FOXP1: variants seen among roughly 807,000 people sequenced by gnomAD.
FOXP1 encodes forkhead box P1, also known as forkhead box protein P1.
In FOXP1, 15 loss-of-function variants were observed where a neutral mutation model predicts 98.2. That is an observed-to-expected ratio of 0.15 (90% confidence interval 0.10 to 0.24). The LOEUF (loss-of-function observed/expected upper bound fraction) is 0.24, where lower values mean the gene tolerates loss of function less well. FOXP1 is among the 10% of genes least tolerant of loss of function. The pLI, the probability that FOXP1 is intolerant of heterozygous loss-of-function variation, is 1.00. For missense variants in FOXP1, 633 were observed against 848.5 expected, an observed-to-expected ratio of 0.75 and a Z score of 3.15; for synonymous variants, 371 against 314.5, an observed-to-expected ratio of 1.18 and a Z score of -1.90.
intron 2 of FOXP1, among the ~76,000 whole-genome samples, chr3:71,518,384 A>G (rs1197504181): frequency 6.6e-6 from 1 of 152,226 alleles, no homozygotes. Flanking sequence ...TGTGAGAAAC[A>G]CCAAGAAAGA....
At chr3:71,066,788 C>A (rs900241112) in intron 7 of FOXP1, among the ~76,000 whole-genome samples, 1 of 145,400 alleles carries the variant, frequency 6.9e-6, no homozygotes, top group Admixed American at 6.6e-5. Context: ...CATGAGGCAT[C>A]CATAAAACTC....
chr3:71,403,939 T>G (rs1040915683), intron 3 of FOXP1, among the ~76,000 whole-genome samples: 6 of 152,124 alleles, frequency 3.9e-5, no homozygotes, highest in African/African-American at 1.4e-4. Context: ...ATAGATGGCA[T>G]GTGAAGAAAA....
At chr3:70,985,915 G>C (rs1326591799) in intron 14 of FOXP1, among the ~76,000 whole-genome samples, 2 of 152,104 alleles carry the variant, frequency 1.3e-5, no homozygotes, top group East Asian at 3.9e-4. Context: ...CTTTGCAAAA[G>C]AAAACCTGCT....
In FOXP1 at chr3:71,183,081, T is replaced by C. The variant is rs531195022; in HGVS notation, c.180+15121A>G. Among the ~76,000 whole-genome samples, 6 of 152,328 alleles carry C rather than the reference T, an allele frequency of 3.9e-5. No homozygotes were observed. In the South Asian group the frequency reaches 1.2e-3, roughly 32 times the overall value. ...TTAGGGTGCATTTAATTTTTCATATTGTAAATACCATTACAATGAACATCC... is the reference window on the plus strand; with the variant it reads ...TTAGGGTGCATTTAATTTTTCATATCGTAAATACCATTACAATGAACATCC... On this transcript the variant is annotated intron_variant, in intron 6 of 20. Coordinates refer to ENST00000649528, the MANE Select transcript of FOXP1 (RefSeq NM_001349338.3).
intron 5 of FOXP1, among the ~76,000 whole-genome samples, chr3:71,232,877 C>CAAAACAAAAAAAAAAAAAAA (rs528237968): frequency 3.2e-5 from 1 of 31,418 alleles, no homozygotes; most frequent in Non-Finnish European, 5.9e-5. Context: ...AACTCTGTCT[C>CAAAACAAAAAAAAAAAAAAA]AAAAAAAAAA....
intron 17 of FOXP1, among the ~76,000 whole-genome samples, chr3:70,973,058 A>AT (rs35698413): frequency 3.3e-5 from 5 of 152,148 alleles, no homozygotes; most frequent in African/African-American, 4.8e-5. Context: ...AAAAGGGGGT[A>AT]TTTTTTTCAA....
rs139853402 is a variant in FOXP1 at position 71,556,175 on chromosome 3, T to C, written c.-298+25374A>G. Among the ~76,000 whole-genome samples the C allele has an allele frequency of 2.1e-3, 324 of 152,198 alleles. 7 individuals carry two copies. Among genetic ancestry groups the C allele is most frequent in the East Asian group, 3.5e-3 (18 of 5,194 alleles). On this transcript the variant is annotated intron_variant, in intron 2 of 20. Transcript: ENST00000649528. ...ATAAAAACCCTGTATATAATACAAATAGGTAAATCACAAAAGCACTGCAAA... is the reference window on the plus strand; with the variant it reads ...ATAAAAACCCTGTATATAATACAAACAGGTAAATCACAAAAGCACTGCAAA...
intron 4 of FOXP1, among the ~76,000 whole-genome samples, chr3:71,330,727 T>A (rs2076240105): frequency 6.6e-6 from 1 of 152,248 alleles, no homozygotes; most frequent in Non-Finnish European, 1.5e-5. Context: ...AATAAGGTTA[T>A]GTGGCAACAT....
At chr3:71,558,116 A>T (rs2046271275) in intron 2 of FOXP1, among the ~76,000 whole-genome samples, 1 of 152,158 alleles carries the variant, frequency 6.6e-6, no homozygotes, top group African/African-American at 2.4e-5. Context: ...TCTTTAAGAC[A>T]GTGTATGCAC....
Position 71,113,712 on chromosome 3 carries a change from CAAAATAAAAT to C in FOXP1, c.181-1085_181-1076del, listed in dbSNP as rs4055929. On this transcript the variant is annotated intron_variant, in intron 6 of 20. Transcript: ENST00000649528. ...TGGGTAACAGAATAAGCTTCCATCTCAAAATAAAATAAAATAAAATAAAATAAAATAAAAT... is the reference window on the plus strand; with the variant it reads ...TGGGTAACAGAATAAGCTTCCATCTCAAAATAAAATAAAATAAAATAAAAT... Among the ~76,000 whole-genome samples the C allele has an allele frequency of 1.2e-3, 128 of 102,406 alleles. 1 individual carries two copies. The highest frequency in any genetic ancestry group is 9.6e-3 in the South Asian group (25 of 2,616). 67.2% of individuals were successfully genotyped at this position (102,406 alleles called of 152,430 possible). A position where few individuals can be genotyped will look rare whatever the true frequency, so the allele number is the denominator to read the frequency against.
intron 6 of FOXP1, among the ~76,000 whole-genome samples, chr3:71,176,743 C>CAAAAAA (rs573639526): frequency 5.3e-5 from 4 of 75,546 alleles, no homozygotes; most frequent in African/African-American, 2.5e-4. Flanking sequence ...GAGGCTATCT[C>CAAAAAA]AAAAAAAAAA....
chr3:70,977,327 T>C (rs2037780638), intron 16 of FOXP1, among the ~76,000 whole-genome samples: 1 of 152,238 alleles, frequency 6.6e-6, no homozygotes, highest in South Asian at 2.1e-4. Flanking sequence ...TTTCACTAGC[T>C]GATTAAAGCT....
intron 2 of FOXP1, among the ~76,000 whole-genome samples, chr3:71,494,607 G>T (rs7632921): frequency 0.3 from 45,799 of 152,082 alleles, 8,472 homozygotes; most frequent in Non-Finnish European, 0.42. Flanking sequence ...ATGTCCTGCA[G>T]AAATCTGTCC....
At chr3:71,113,712 CAAAATAAA>C (rs1018197695) in intron 6 of FOXP1, among the ~76,000 whole-genome samples, 153 of 102,410 alleles carry the variant, frequency 1.5e-3, no homozygotes, top group African/African-American at 5.3e-3. Flanking sequence ...GCTTCCATCT[CAAAATAAA>C]ATAAAATAAA....
intron 11 of FOXP1, among the ~76,000 whole-genome samples, chr3:71,034,132 A>G (rs1327407938): frequency 1.3e-5 from 2 of 152,136 alleles, no homozygotes; most frequent in Non-Finnish European, 2.9e-5. Context: ...CTTCCCTGCC[A>G]GCAAAAAGAT....
intron 4 of FOXP1, chr3:71,332,393 C>T (rs115368009): frequency 0.028 from 4,612 of 163,110 alleles, 240 homozygotes; most frequent in African/African-American, 0.1. Context: ...CCGGACATGC[C>T]GCCTTGAAGA....
intron 3 of FOXP1, among the ~76,000 whole-genome samples, chr3:71,444,693 A>G (rs1158196989): frequency 1.3e-5 from 2 of 152,170 alleles, no homozygotes; most frequent in Admixed American, 1.3e-4. Context: ...GTTAACCTTC[A>G]TAATTGTATT....
At chr3:70,972,012 G>C in intron 18 of FOXP1, 1 of 1,429,942 alleles carries the variant, frequency 7.0e-7, no homozygotes, top group South Asian at 1.6e-5. Context: ...GGCTCTTACT[G>C]TGCGACAAGC....
rs147161667 is a variant in FOXP1, at chr3:71,343,947, T to G, written c.-73+15203A>C. The stretch of plus-strand genomic sequence containing the variant: ...AAGCAGGACTCTTTAAGAGCCGGGT[T>G]TTTTCATTGGTCTTAAATAGATCTC... On this transcript the variant is annotated intron_variant, in intron 4 of 20. Transcript: ENST00000649528. Among the ~76,000 whole-genome samples the G allele has an allele frequency of 5.4e-3, 821 of 152,280 alleles. 10 individuals are homozygous for G. Among genetic ancestry groups the G allele is most frequent in the African/African-American group, 0.019 (798 of 41,546 alleles).
Sources: gnomAD v4.1 joint callset for allele counts (sites outside exome capture counted in the v4.1 genomes callset) on GRCh38, gnomAD v4.1.1 for gene constraint, MANE v1.5 for transcripts, NCBI Gene and HGNC (gene_info 2026-07-23, HGNC 2026-07-21) for gene names.